CDKAL1: variants seen among roughly 807,000 people sequenced by gnomAD.
CDKAL1 encodes threonylcarbamoyladenosine tRNA methylthiotransferase.
A neutral mutation model predicts 68.2 loss-of-function variants in CDKAL1; 32 were observed. The ratio of observed to expected loss-of-function variants is 0.47; its 90% CI spans 0.35 to 0.63. The LOEUF (loss-of-function observed/expected upper bound fraction) is 0.63. CDKAL1 is among the 30% of genes least tolerant of loss of function. CDKAL1 has a pLI of 0.00. For synonymous variants in CDKAL1, 234 were observed against 244.3 expected (o/e 0.96, Z 0.39); for missense variants, 606 against 696.7 (o/e 0.87, Z 1.47).
intron 15 of CDKAL1, 63 bp downstream of exon 15, chr6:21,201,337 A>C (rs777497671): frequency 1.2e-5 from 16 of 1,379,182 alleles, no homozygotes; most frequent in Non-Finnish European, 1.6e-5. Context: ...AAGCACAGTG[A>C]TTCCAGGCCA....
At chr6:20,710,366 A>G (rs2127829054) in intron 5 of CDKAL1, among the ~76,000 whole-genome samples, 1 of 152,278 alleles carries the variant, frequency 6.6e-6, no homozygotes, top group South Asian at 2.1e-4. Context: ...AGTTGCCTAC[A>G]GTGTTTAGTA....
intron 10 of CDKAL1, among the ~76,000 whole-genome samples, chr6:20,992,292 A>G (rs1429475322): frequency 6.6e-6 from 1 of 151,446 alleles, no homozygotes; most frequent in East Asian, 1.9e-4. Flanking sequence ...GCTGGTCTCA[A>G]ACTCCTGACC....
At chr6:21,031,556 A>G (rs1158529668) in intron 11 of CDKAL1, among the ~76,000 whole-genome samples, 2 of 151,844 alleles carry the variant, frequency 1.3e-5, no homozygotes, top group African/African-American at 4.8e-5. Flanking sequence ...AATTCTGCCT[A>G]CCACACACTG....
intron 7 of CDKAL1, among the ~76,000 whole-genome samples, chr6:20,768,817 A>G (rs1317174588): frequency 6.6e-6 from 1 of 152,138 alleles, no homozygotes; most frequent in Non-Finnish European, 1.5e-5. Flanking sequence ...GATTTAATGT[A>G]GGTAACATTA....
chr6:20,565,287 T>G (rs1449264477), intron 4 of CDKAL1, among the ~76,000 whole-genome samples: 1 of 152,138 alleles, frequency 6.6e-6, no homozygotes, highest in Admixed American at 6.5e-5. Context: ...TAATTTCAGA[T>G]GTGCTTCTAC....
At chr6:20,586,898 T>A (rs956709230) in intron 4 of CDKAL1, among the ~76,000 whole-genome samples, 1 of 152,094 alleles carries the variant, frequency 6.6e-6, no homozygotes, top group South Asian at 2.1e-4. Context: ...CCGCCCTCAT[T>A]TTCTTGCTCT....
chr6:20,766,528 A>G (rs1774711612), intron 7 of CDKAL1, among the ~76,000 whole-genome samples: 1 of 152,188 alleles, frequency 6.6e-6, no homozygotes, highest in African/African-American at 2.4e-5. Context: ...TTGTTTAACT[A>G]TTAACGAGGA....
intron 4 of CDKAL1, among the ~76,000 whole-genome samples, chr6:20,597,370 C>T (rs753817617): frequency 1.2e-4 from 19 of 152,042 alleles, no homozygotes; most frequent in Non-Finnish European, 2.4e-4. Context: ...TCTCACGATC[C>T]GCCCACCTCA....
chr6:21,137,728 C>T (rs904649995), intron 13 of CDKAL1, among the ~76,000 whole-genome samples: 1 of 151,982 alleles, frequency 6.6e-6, no homozygotes, highest in Non-Finnish European at 1.5e-5. Context: ...CACAGAGTAA[C>T]AAAAGGAAAA....
intron 9 of CDKAL1, among the ~76,000 whole-genome samples, chr6:20,849,424 C>G (rs1758883315): frequency 6.6e-6 from 1 of 151,674 alleles, no homozygotes; most frequent in African/African-American, 2.4e-5. Context: ...TCTACTAAAA[C>G]TACAAAAAAT....
chr6:20,600,741 C>T (rs183724610), intron 4 of CDKAL1, among the ~76,000 whole-genome samples: 2 of 116,596 alleles, frequency 1.7e-5, no homozygotes, highest in Admixed American at 9.7e-5. Context: ...ATTTAAAAAA[C>T]CTGGATGGAG....
Position 20,653,076 on chromosome 6 carries a change from G to T in CDKAL1, c.371+3699G>T, listed in dbSNP as rs186609094. 1.8e-3 allele frequency among the ~76,000 whole-genome samples: 280 copies of T among 152,092 alleles called. 1 individual carries two copies. Among genetic ancestry groups the T allele is most frequent in the African/African-American group, 6.0e-3 (250 of 41,478 alleles). ...GCTTTGAGATTTATTCATGTTAATG[G>T]GTGTAAATTCATAGAATTTGCTACA... is the stretch of plus-strand genomic sequence containing the variant. On this transcript the variant is annotated intron_variant, in intron 5 of 15. Coordinates refer to ENST00000274695, the MANE Select transcript of CDKAL1 (RefSeq NM_017774.3).
intron 9 of CDKAL1, among the ~76,000 whole-genome samples, chr6:20,923,880 T>A (rs1218660904): frequency 6.6e-6 from 1 of 152,122 alleles, no homozygotes; most frequent in East Asian, 1.9e-4. Flanking sequence ...GGTGTGGTGG[T>A]GCGTACCTGT....
At chr6:20,764,359 C>T (rs1311342583) in intron 7 of CDKAL1, among the ~76,000 whole-genome samples, 1 of 152,094 alleles carries the variant, frequency 6.6e-6, no homozygotes, top group Admixed American at 6.5e-5. Flanking sequence ...TTCCAAATGC[C>T]TCAAGTGGCG....
chr6:21,119,097 C>G (rs944901906), intron 13 of CDKAL1, among the ~76,000 whole-genome samples: 6 of 152,148 alleles, frequency 3.9e-5, no homozygotes, highest in Admixed American at 6.6e-5. Flanking sequence ...CTCCCTCTCC[C>G]CTTCGTCCCG....
rs11330322 is a variant in CDKAL1, at chr6:20,974,978, C to CAA, written c.909+19415_909+19416dup. On this transcript the variant is annotated intron_variant, in intron 10 of 15. Transcript: ENST00000274695. Reference sequence around the variant, plus strand: ...TGGGTGACAGAGGCAGACCCTATCTCAAAAAAAAAAAAAAAAAAAAAAAGG... The same window carrying CAA: ...TGGGTGACAGAGGCAGACCCTATCTCAAAAAAAAAAAAAAAAAAAAAAAAAGG... Among the ~76,000 whole-genome samples, 48 of 62,882 alleles carry CAA rather than the reference C, an allele frequency of 7.6e-4. 1 individual carries two copies. Among genetic ancestry groups the CAA allele is most frequent in the East Asian group, 9.5e-4 (2 of 2,098 alleles). 41.3% of individuals were successfully genotyped at this position (62,882 alleles called of 152,430 possible). A position where few individuals can be genotyped will look rare whatever the true frequency, so the allele number is the denominator to read the frequency against.
intron 4 of CDKAL1, among the ~76,000 whole-genome samples, chr6:20,644,219 C>G (rs1465465603): frequency 2.6e-5 from 4 of 151,234 alleles, no homozygotes; most frequent in Non-Finnish European, 1.5e-5. Context: ...GGTAGAGATT[C>G]TATTCACAGC....
chr6:20,783,653 G>A (rs1025992907), intron 8 of CDKAL1, among the ~76,000 whole-genome samples: 5 of 152,068 alleles, frequency 3.3e-5, no homozygotes, highest in South Asian at 2.1e-4. Flanking sequence ...CTCCCAACCA[G>A]GCTAAATCTA....
At chr6:20,833,562 G>A (rs2150468476) in intron 8 of CDKAL1, among the ~76,000 whole-genome samples, 1 of 151,970 alleles carries the variant, frequency 6.6e-6, no homozygotes, top group East Asian at 1.9e-4. Flanking sequence ...TAACTAAAAA[G>A]TAACTCACCT....
Sources: gnomAD v4.1 joint callset for allele counts (sites outside exome capture counted in the v4.1 genomes callset) on GRCh38, gnomAD v4.1.1 for gene constraint, MANE v1.5 for transcripts, NCBI Gene and HGNC (gene_info 2026-07-23, HGNC 2026-07-21) for gene names.